The following TEAD3 variants were observed in gnomAD, a reference collection of about 807,000 sequenced individuals.
TEAD3 encodes the protein transcriptional enhancer factor TEF-5.
In TEAD3, 15 loss-of-function variants were observed where a neutral mutation model predicts 55.6. That is an observed-to-expected ratio of 0.27 (90% confidence interval 0.18 to 0.42). The LOEUF (loss-of-function observed/expected upper bound fraction) is 0.42. Among genes scored for constraint, TEAD3 ranks in the 10% least tolerant of loss-of-function variants. The pLI, the probability that TEAD3 is intolerant of heterozygous loss-of-function variation, is 1.00. For missense variants in TEAD3, 407 were observed against 576.8 expected, an observed-to-expected ratio of 0.71 and a Z score of 3.01; for synonymous variants, 210 against 232.2, an observed-to-expected ratio of 0.90 and a Z score of 0.87.
At chr6:35,487,083 A>G (rs1467359569) in intron 1 of TEAD3, among the ~76,000 whole-genome samples, 3 of 152,196 alleles carry the variant, frequency 2.0e-5, no homozygotes, top group African/African-American at 7.2e-5. Context: ...TCATACCAAC[A>G]CAGCACTTTT....
At chr6:35,478,939 G>A (rs574789616) in intron 5 of TEAD3, among the ~76,000 whole-genome samples, 1 of 148,320 alleles carries the variant, frequency 6.7e-6, no homozygotes, top group African/African-American at 2.5e-5. Context: ...GAGTGCAGCG[G>A]CATGATCTCG....
At position 35,491,460 on chromosome 6, in the gene TEAD3, A is replaced by G. The variant is rs1030571290; in HGVS notation, c.-49-4749T>C. ...GACAAGGACAGAGACCCAGAGGCCAAGGCAAAACAGAGGGAGGGAGTGACA... is the reference window on the plus strand; with the variant it reads ...GACAAGGACAGAGACCCAGAGGCCAGGGCAAAACAGAGGGAGGGAGTGACA... On this transcript the variant is annotated intron_variant, in intron 1 of 12. Transcript: ENST00000639578. The surrounding 1 kb of genome is among the most constrained non-coding windows in gnomAD (Gnocchi z 4.4). Among the ~76,000 whole-genome samples the G allele has an allele frequency of 3.3e-5, 5 of 152,136 alleles. No individual in the cohort carries two copies. Among genetic ancestry groups the G allele is most frequent in the Non-Finnish European group, 7.4e-5 (5 of 68,000 alleles).
Position 35,486,657 on chromosome 6 carries a change from C to G in TEAD3, c.6G>C (p.Ala2=). The G allele has an allele frequency of 6.2e-7, 1 of 1,612,268 alleles. No individual in the cohort carries two copies. The highest frequency in any genetic ancestry group is 8.5e-7 in the Non-Finnish European group (1 of 1,179,560). ...TGCTGCTGGCGTTCCAGCTGTTGGA[C>G]GCTATTGTGCTGGTTGCTCTGGGCT... The change falls in exon 2 of 13, where the codon GCG becomes GCC. Residue 2 remains alanine, a synonymous_variant. Transcript: ENST00000639578. The surrounding 1 kb of genome is among the most constrained non-coding windows in gnomAD (Gnocchi z 7.3).
rs948426507 is a variant in TEAD3 at position 35,491,698 on chromosome 6, C to A, written c.-49-4987G>T. Among the ~76,000 whole-genome samples, 2 of 152,214 alleles carry A rather than the reference C, an allele frequency of 1.3e-5. No homozygotes were observed. Among genetic ancestry groups the A allele is most frequent in the Non-Finnish European group, 2.9e-5 (2 of 68,036 alleles). Reference sequence around the variant, plus strand: ...CCCTCATCCTGACCAGCCACACCCGCTTCCCCTCTCCCAGGGCCCTCAGCC... The same window carrying A: ...CCCTCATCCTGACCAGCCACACCCGATTCCCCTCTCCCAGGGCCCTCAGCC... On this transcript the variant is annotated intron_variant, in intron 1 of 12. Transcript: ENST00000639578. The surrounding 1 kb of genome is among the most constrained non-coding windows in gnomAD (Gnocchi z 4.4).
exon 6 of TEAD3, chr6:35,478,455 G>C: frequency 1.2e-6 from 2 of 1,613,484 alleles, no homozygotes; most frequent in Non-Finnish European, 1.7e-6. Context: ...TGGAGAAGAC[G>C]GCCTGGGGCA....
In TEAD3 at chr6:35,484,469, G is replaced by T; in HGVS notation, c.267+91C>A. ...GGCAGTCCAGGTCAGGGGCAGCCTC[G>T]AGGAGGTGGGCAGGGTAGGGGCAAG... On this transcript the variant is annotated intron_variant, in intron 3 of 12. Coordinates refer to ENST00000639578, the Ensembl canonical transcript of TEAD3. The surrounding 1 kb of genome is among the most constrained non-coding windows in gnomAD (Gnocchi z 5.8). 7.7e-7 allele frequency: 1 copy of T among 1,301,504 alleles called. No homozygotes were observed. Among genetic ancestry groups the T allele is most frequent in the South Asian group, 1.3e-5 (1 of 78,132 alleles). 80.6% of individuals were successfully genotyped at this position (1,301,504 alleles called of 1,614,324 possible).
rs1043701826 is a variant in TEAD3, at chr6:35,484,975, G to C, written c.203-351C>G. ...GGTCAGCAGGACAGTAGCTGAGTAG[G>C]GCCTGTCCTGGCCAGGCACGCCCAT... is the stretch of plus-strand genomic sequence containing the variant. On this transcript the variant is annotated intron_variant, in intron 2 of 12. Coordinates refer to ENST00000639578, the Ensembl canonical transcript of TEAD3. This position sits in a 1 kb window ranked among gnomAD's most constrained non-coding sequence, Gnocchi z 5.8. 2.0e-5 allele frequency among the ~76,000 whole-genome samples: 3 copies of C among 152,114 alleles called. No individual in the cohort carries two copies. The highest frequency in any genetic ancestry group is 2.9e-5 in the Non-Finnish European group (2 of 67,996).
Position 35,486,792 on chromosome 6 carries a change from G to T in TEAD3, c.-49-81C>A. ...TCCTATCCCACAGCCGCTGGCTCTGGAGCTCCGCCCCCAGCCCCAAGCCCA... is the reference window on the plus strand; with the variant it reads ...TCCTATCCCACAGCCGCTGGCTCTGTAGCTCCGCCCCCAGCCCCAAGCCCA... On this transcript the variant is annotated intron_variant, in intron 1 of 12. Transcript: ENST00000639578. The surrounding 1 kb of genome is among the most constrained non-coding windows in gnomAD (Gnocchi z 7.3). 1 of 1,039,468 alleles carries T rather than the reference G, an allele frequency of 9.6e-7. No individual in the cohort carries two copies. The allele number at this position is 1,039,468 out of a possible 1,614,324, so 64.4% of individuals were successfully genotyped here. A position where few individuals can be genotyped will look rare whatever the true frequency, so the allele number is the denominator to read the frequency against.
rs528935466 is a variant in TEAD3, at chr6:35,485,847, A to G, written c.202+614T>C. 2.9e-4 allele frequency among the ~76,000 whole-genome samples: 44 copies of G among 152,288 alleles called. 1 individual carries two copies. The highest frequency in any genetic ancestry group is 1.0e-3 in the African/African-American group (43 of 41,572). ...GGAATAGGGGAGCTGGCCAGGAACCAGGCCCAGAAGGGTCGAGTTATCCCA... is the reference window on the plus strand; with the variant it reads ...GGAATAGGGGAGCTGGCCAGGAACCGGGCCCAGAAGGGTCGAGTTATCCCA... On this transcript the variant is annotated intron_variant, in intron 2 of 12. Coordinates refer to ENST00000639578, the Ensembl canonical transcript of TEAD3. The surrounding 1 kb of genome is among the most constrained non-coding windows in gnomAD (Gnocchi z 4.3).
rs1554124382 is a variant in TEAD3, at chr6:35,486,359, C to CG, written c.202+101dup. Reference sequence around the variant, plus strand: ...ACAGGCTTGCGCGCCCAGACTCGCCCGGCCAGCGGCTGGCGGCCTCCGACG... The same window carrying CG: ...ACAGGCTTGCGCGCCCAGACTCGCCCGGGCCAGCGGCTGGCGGCCTCCGACG... On this transcript the variant is annotated intron_variant, in intron 2 of 12. Transcript: ENST00000639578. The surrounding 1 kb of genome is among the most constrained non-coding windows in gnomAD (Gnocchi z 7.3). 7 of 1,382,568 alleles carry CG rather than the reference C, an allele frequency of 5.1e-6. No individual in the cohort carries two copies. The highest frequency in any genetic ancestry group is 6.8e-6 in the Non-Finnish European group (7 of 1,024,338). The allele number at this position is 1,382,568 out of a possible 1,614,324, so 85.6% of individuals were successfully genotyped here.
chr6:35,474,943 G>T, exon 13 of TEAD3: 1 of 1,010,320 alleles, frequency 9.9e-7, no homozygotes, highest in Non-Finnish European at 1.4e-6. Flanking sequence ...CTGAGGCCTG[G>T]CAGGTAGATG....
rs1013087786 is a variant in TEAD3 at position 35,491,076 on chromosome 6, G to A, written c.-49-4365C>T. Among the ~76,000 whole-genome samples the A allele has an allele frequency of 2.0e-5, 3 of 152,170 alleles. No homozygotes were observed. Among genetic ancestry groups the A allele is most frequent in the African/African-American group, 7.2e-5 (3 of 41,518 alleles). On this transcript the variant is annotated intron_variant, in intron 1 of 12. Coordinates refer to ENST00000639578, the Ensembl canonical transcript of TEAD3. The surrounding 1 kb of genome is among the most constrained non-coding windows in gnomAD (Gnocchi z 4.4). ...GGAGAGTCTGGGGCAAAGAGAAGCT[G>A]AGGTGAACCCAGAGAGAAAACAGAC...
At chr6:35,473,756 T>C (rs1768083348), downstream of TEAD3, 2 of 149,652 alleles carry the variant, frequency 1.3e-5, no homozygotes, top group Non-Finnish European at 2.9e-5. Flanking sequence ...ATATATAATA[T>C]ACATTATAAA....
At chr6:35,480,898 C>T (rs1768252913) in intron 3 of TEAD3, among the ~76,000 whole-genome samples, 1 of 152,140 alleles carries the variant, frequency 6.6e-6, no homozygotes, top group Non-Finnish European at 1.5e-5. Flanking sequence ...ATTGGCACCA[C>T]AGGTGCTAGC....
intron 3 of TEAD3, 92 bp downstream of exon 4, chr6:35,480,219 AG>A: frequency 6.4e-7 from 1 of 1,560,368 alleles, no homozygotes; most frequent in Non-Finnish European, 8.7e-7. Flanking sequence ...GGGGCTGGAG[AG>A]CTGGCCAAGG....
chr6:35,493,876 CAG>C lies in TEAD3; in HGVS notation c.-50+3020_-50+3021del, dbSNP rs2150918895. 2.6e-5 allele frequency among the ~76,000 whole-genome samples: 4 copies of C among 152,374 alleles called. No individual in the cohort carries two copies. In the South Asian group the frequency reaches 8.3e-4, roughly 32 times the overall value. On this transcript the variant is annotated intron_variant, in intron 1 of 12. Transcript: ENST00000639578. ...ACCCAGTGTCATCTCCAGGTACACA[CAG>C]ATGGCTAGGCAGCCAGCTTCCTTCA...
chr6:35,486,367 G>A lies in TEAD3; in HGVS notation c.202+94C>T. 7.7e-6 allele frequency: 11 copies of A among 1,424,478 alleles called. No homozygotes were observed. Among genetic ancestry groups the A allele is most frequent in the Non-Finnish European group, 1.0e-5 (11 of 1,060,280 alleles). 88.2% of individuals were successfully genotyped at this position (1,424,478 alleles called of 1,614,324 possible). A position where few individuals can be genotyped will look rare whatever the true frequency, so the allele number is the denominator to read the frequency against. On this transcript the variant is annotated intron_variant, in intron 2 of 12. Coordinates refer to ENST00000639578, the Ensembl canonical transcript of TEAD3. This position sits in a 1 kb window ranked among gnomAD's most constrained non-coding sequence, Gnocchi z 7.3. The stretch of plus-strand genomic sequence containing the variant: ...GCGCGCCCAGACTCGCCCGGCCAGC[G>A]GCTGGCGGCCTCCGACGTCACCAAA...
chr6:35,480,436 G>C, intron 3 of TEAD3, 62 bp from the exon 4 acceptor site: 1 of 1,589,248 alleles, frequency 6.3e-7, no homozygotes, highest in Non-Finnish European at 8.6e-7. Context: ...GCACAGCCAT[G>C]GGGTGGCCGC....
chr6:35,478,017 A>ATT lies in TEAD3; in HGVS notation c.530+256_530+257dup, dbSNP rs57932235. Among the ~76,000 whole-genome samples, 114 of 137,872 alleles carry ATT rather than the reference A, an allele frequency of 8.3e-4. No homozygotes were observed. In the Middle Eastern group the frequency reaches 0.011, roughly 14 times the overall value. The allele number at this position is 137,872 out of a possible 152,430, so 90.4% of individuals were successfully genotyped here. A position where few individuals can be genotyped will look rare whatever the true frequency, so the allele number is the denominator to read the frequency against. On this transcript the variant is annotated intron_variant, in intron 7 of 12. Coordinates refer to ENST00000639578, the Ensembl canonical transcript of TEAD3. ...AGGCACGCACCACCACACCCAGCTA[A>ATT]TTTTTTTTTTTTTTTTTGAGAGAGC...
Sources: gnomAD v4.1 joint callset for allele counts (sites outside exome capture counted in the v4.1 genomes callset) on GRCh38, gnomAD v4.1.1 for gene constraint, Gnocchi (gnomAD v3.1) non-coding constraint, MANE v1.5 for transcripts, NCBI Gene and HGNC (gene_info 2026-07-23, HGNC 2026-07-21) for gene names.